Variants in SNX29 observed in about 807,000 individuals in gnomAD.
The protein encoded by SNX29 is sorting nexin-29.
A neutral mutation model predicts 102.1 loss-of-function variants in SNX29; 78 were observed. That is an observed-to-expected ratio of 0.76 (90% confidence interval 0.64 to 0.92). The LOEUF is 0.92. Among genes scored for constraint, SNX29 ranks in the 40% least tolerant of loss-of-function variants. SNX29 has a pLI of 0.00. For missense variants in SNX29, 1,280 were observed against 1,061.7 expected (o/e 1.21, Z -2.86); for synonymous variants, 580 against 414.5 (o/e 1.40, Z -4.85).
intron 11 of SNX29, among the ~76,000 whole-genome samples, chr16:12,115,314 G>A (rs933050048): frequency 2.3e-4 from 35 of 152,154 alleles, no homozygotes; most frequent in African/African-American, 8.0e-4. Context: ...GGGTTTCTCA[G>A]TCTCCCTAGG....
At chr16:12,521,501 C>T (rs769029379) in intron 19 of SNX29, among the ~76,000 whole-genome samples, 1 of 152,118 alleles carries the variant, frequency 6.6e-6, no homozygotes, top group East Asian at 1.9e-4. Flanking sequence ...CACCACCCCA[C>T]ATATAGTAGG....
chr16:12,334,402 T>C (rs1015606219), intron 15 of SNX29, among the ~76,000 whole-genome samples: 1 of 152,088 alleles, frequency 6.6e-6, no homozygotes, highest in Non-Finnish European at 1.5e-5. Flanking sequence ...GGGAAAAAAA[T>C]CATCCCCGGG....
At chr16:12,273,539 A>C (rs1388982087) in intron 14 of SNX29, among the ~76,000 whole-genome samples, 2 of 151,822 alleles carry the variant, frequency 1.3e-5, no homozygotes, top group Non-Finnish European at 2.9e-5. Context: ...TTGTATTTTT[A>C]GTAGAGACAG....
chr16:12,559,683 T>C (rs769676665), intron 20 of SNX29, among the ~76,000 whole-genome samples: 9 of 152,078 alleles, frequency 5.9e-5, no homozygotes, highest in Non-Finnish European at 1.2e-4. Context: ...CCTGGGGCAG[T>C]AACTTCTCGA....
At chr16:12,561,827 T>A (rs1007734265) in intron 20 of SNX29, among the ~76,000 whole-genome samples, 1 of 151,942 alleles carries the variant, frequency 6.6e-6, no homozygotes, top group Non-Finnish European at 1.5e-5. Context: ...CTTACATCCT[T>A]CTCCCTGCAG....
chr16:12,322,941 C>A (rs113545564), intron 15 of SNX29, among the ~76,000 whole-genome samples: 1 of 99,378 alleles, frequency 1.0e-5, no homozygotes, highest in East Asian at 4.6e-4. Flanking sequence ...TGTCAGGATG[C>A]GGTCACTGGA....
chr16:12,561,534 C>G (rs543413803), intron 20 of SNX29, among the ~76,000 whole-genome samples: 7 of 152,210 alleles, frequency 4.6e-5, no homozygotes, highest in African/African-American at 1.7e-4. Flanking sequence ...TTAGTCTCTC[C>G]TCGCAGCCAT....
Position 12,485,053 on chromosome 16 carries a change from C to T in SNX29, c.2178+7194C>T, listed in dbSNP as rs372675429. 3.5e-4 allele frequency among the ~76,000 whole-genome samples: 54 copies of T among 152,318 alleles called. No homozygotes were observed. In the East Asian group the frequency reaches 5.4e-3, roughly 15 times the overall value. On this transcript the variant is annotated intron_variant, in intron 19 of 20. Transcript: ENST00000566228. The stretch of plus-strand genomic sequence containing the variant: ...AGAGTTTCCCTTTTATTTTCTTCTT[C>T]GCTTTGCTGGGTGTTGGCACACATT...
chr16:12,051,932 T>C lies in SNX29; in HGVS notation c.834T>C (p.Ser278=). The part of the protein sequence containing the change: ...SFDDEEDEQN[S]GDVFKKTPGA... ...ATGATGAGGAAGATGAGCAGAACTC[T>C]GGGGACGTGTTTAAAAAGACACCTG... Residue 278 remains serine, a synonymous_variant, in exon 8 of 21, where the codon TCT becomes TCC. Transcript: ENST00000566228. 6.2e-7 allele frequency: 1 copy of C among 1,613,848 alleles called. No homozygotes were observed. Among genetic ancestry groups the C allele is most frequent in the African/African-American group, 1.3e-5 (1 of 74,996 alleles).
At chr16:12,542,106 GA>G (rs1164508881) in intron 20 of SNX29, among the ~76,000 whole-genome samples, 1 of 152,012 alleles carries the variant, frequency 6.6e-6, no homozygotes, top group African/African-American at 2.4e-5. Flanking sequence ...CTTCCCAACG[GA>G]TCCCTAAATT....
intron 4 of SNX29, 28 bp from the exon 5 acceptor site, chr16:12,042,869 G>T (rs372724010): frequency 1.3e-6 from 2 of 1,581,632 alleles, no homozygotes; most frequent in East Asian, 4.5e-5. Flanking sequence ...CAGGCCGAGT[G>T]CCAGGCGCCT....
At chr16:12,181,662 G>A (rs932063402) in intron 13 of SNX29, among the ~76,000 whole-genome samples, 4 of 150,892 alleles carry the variant, frequency 2.7e-5, no homozygotes, top group African/African-American at 7.3e-5. Flanking sequence ...GGGGGCTGCC[G>A]GTGATTTGGG....
At chr16:12,328,546 G>A (rs894798528) in intron 15 of SNX29, among the ~76,000 whole-genome samples, 1 of 152,134 alleles carries the variant, frequency 6.6e-6, no homozygotes, top group Non-Finnish European at 1.5e-5. Flanking sequence ...TGGAACATGA[G>A]TGATACCTGT....
intron 14 of SNX29, among the ~76,000 whole-genome samples, chr16:12,217,803 TCATGTCATTTGGGGATGG>T (rs2077365166): frequency 6.6e-6 from 1 of 152,240 alleles, no homozygotes; most frequent in African/African-American, 2.4e-5. Context: ...GGCTTCATGC[TCATGTCATTTGGGGATGG>T]CATAACTCAG....
chr16:12,514,342 C>T (rs994438396), intron 19 of SNX29, among the ~76,000 whole-genome samples: 2 of 152,132 alleles, frequency 1.3e-5, no homozygotes, highest in African/African-American at 2.4e-5. Flanking sequence ...CGCCTCTGCT[C>T]CTGAATCTTG....
At chr16:11,982,996 T>A (rs948162785) in intron 1 of SNX29, among the ~76,000 whole-genome samples, 22 of 152,222 alleles carry the variant, frequency 1.4e-4, no homozygotes, top group African/African-American at 5.3e-4. Flanking sequence ...AGTGCCACTA[T>A]CTTGGCTCAC....
chr16:12,148,470 T>G (rs1308711104), intron 13 of SNX29, among the ~76,000 whole-genome samples: 1 of 152,234 alleles, frequency 6.6e-6, no homozygotes, highest in Non-Finnish European at 1.5e-5. Context: ...GTTAGCTACA[T>G]CTTAGTAGAT....
intron 18 of SNX29, among the ~76,000 whole-genome samples, chr16:12,477,057 A>G (rs1253030939): frequency 3.3e-5 from 5 of 152,272 alleles, no homozygotes; most frequent in East Asian, 1.9e-4. Flanking sequence ...GGAAGGTGCT[A>G]AGGCCTGCAA....
At chr16:12,033,854 G>A (rs1207652402) in intron 4 of SNX29, among the ~76,000 whole-genome samples, 1 of 151,904 alleles carries the variant, frequency 6.6e-6, no homozygotes. Context: ...TGATCCGCCT[G>A]CCTTGGCCTC....
Sources: allele counts gnomAD v4.1 joint callset (sites outside exome capture counted in the v4.1 genomes callset), GRCh38; gene constraint gnomAD v4.1.1; transcripts MANE v1.5; gene names NCBI Gene and HGNC (gene_info 2026-07-23, HGNC 2026-07-21).